Variants in EXOC1L observed in about 807,000 individuals in gnomAD.
EXOC1L encodes exocyst complex component 1-like.
A neutral mutation model predicts 4.9 loss-of-function variants in EXOC1L; 10 were observed. The ratio of observed to expected loss-of-function variants is 2.02; its 90% confidence interval spans 1.25 to 3.43. EXOC1L has a LOEUF of 3.43. Among genes scored for constraint, EXOC1L ranks in the 30% most tolerant of loss-of-function variants. The pLI, the probability that EXOC1L is intolerant of heterozygous loss-of-function variation, is 0.00. For synonymous variants in EXOC1L, 41 were observed against 20.8 expected (o/e 1.97, Z -2.63); for missense variants, 114 against 59.4 (o/e 1.92, Z -3.02).
chr4:55,829,932 C>T (rs1719981744), intron 1 of EXOC1L, among the ~76,000 whole-genome samples: 1 of 152,176 alleles, frequency 6.6e-6, no homozygotes, highest in Admixed American at 6.5e-5. Flanking sequence ...GCCCACATGT[C>T]TTAACATCAA....
intron 1 of EXOC1L, among the ~76,000 whole-genome samples, chr4:55,829,696 C>T (rs1167217407): frequency 6.6e-6 from 1 of 152,182 alleles, no homozygotes; most frequent in East Asian, 1.9e-4. Flanking sequence ...GTCATCAACT[C>T]TCAGCTCAAC....
chr4:55,821,305 T>G (rs1033757607), intron 1 of EXOC1L, among the ~76,000 whole-genome samples: 1 of 152,098 alleles, frequency 6.6e-6, no homozygotes, highest in African/African-American at 2.4e-5. Context: ...ATAAAAAAAT[T>G]AATTGGCCCA....
At chr4:55,826,102 A>AG (rs1007069677) in intron 1 of EXOC1L, among the ~76,000 whole-genome samples, 2 of 150,640 alleles carry the variant, frequency 1.3e-5, no homozygotes, top group African/African-American at 2.4e-5. Flanking sequence ...AAAAAAAAAA[A>AG]GAAAGAAAAG....
At chr4:55,827,573 A>G (rs1235922766) in intron 1 of EXOC1L, among the ~76,000 whole-genome samples, 3 of 152,214 alleles carry the variant, frequency 2.0e-5, no homozygotes. Flanking sequence ...TCGAATATTT[A>G]TCAATTTAAT....
intron 2 of EXOC1L, among the ~76,000 whole-genome samples, chr4:55,832,277 C>T (rs1455948115): frequency 6.6e-6 from 1 of 152,076 alleles, no homozygotes. Flanking sequence ...ATGATAGGCA[C>T]TCAATAAGTC....
At chr4:55,833,796 T>C (rs1720093288) in intron 2 of EXOC1L, among the ~76,000 whole-genome samples, 1 of 151,980 alleles carries the variant, frequency 6.6e-6, no homozygotes, top group Admixed American at 6.6e-5. Context: ...CCAACATTGT[T>C]GATTCTTCCC....
intron 1 of EXOC1L, among the ~76,000 whole-genome samples, chr4:55,823,732 G>A (rs545366414): frequency 4.6e-5 from 7 of 152,038 alleles, no homozygotes; most frequent in Admixed American, 2.0e-4. Flanking sequence ...TGTTTGAGAC[G>A]GAGTCTTGCT....
chr4:55,827,315 C>T (rs1055146391), intron 1 of EXOC1L, among the ~76,000 whole-genome samples: 25 of 152,264 alleles, frequency 1.6e-4, no homozygotes, highest in Admixed American at 1.6e-3. Flanking sequence ...CTTCATTCTG[C>T]TAACTTCTAC....
At chr4:55,836,691 C>T (rs572544736) in intron 2 of EXOC1L, among the ~76,000 whole-genome samples, 22 of 152,042 alleles carry the variant, frequency 1.4e-4, no homozygotes, top group South Asian at 1.0e-3. Flanking sequence ...CTTGAAATAG[C>T]ACAAGGAACC....
At chr4:55,827,293 A>G (rs903394166) in intron 1 of EXOC1L, among the ~76,000 whole-genome samples, 3 of 152,056 alleles carry the variant, frequency 2.0e-5, no homozygotes, top group African/African-American at 7.2e-5. Flanking sequence ...TTCTAGAACT[A>G]CCTTTACCCA....
intron 2 of EXOC1L, among the ~76,000 whole-genome samples, chr4:55,833,008 T>G (rs1720071463): frequency 1.3e-5 from 2 of 152,014 alleles, no homozygotes; most frequent in African/African-American, 4.8e-5. Context: ...CCTGGATTTT[T>G]CAACTTAAAA....
intron 1 of EXOC1L, among the ~76,000 whole-genome samples, chr4:55,825,809 G>A (rs946116294): frequency 6.6e-6 from 1 of 152,030 alleles, no homozygotes; most frequent in African/African-American, 2.4e-5. Flanking sequence ...GGCCAGGCAT[G>A]GTGGCTCACA....
intron 2 of EXOC1L, among the ~76,000 whole-genome samples, chr4:55,834,018 T>C (rs1720099955): frequency 6.6e-6 from 1 of 151,974 alleles, no homozygotes; most frequent in African/African-American, 2.4e-5. Context: ...TCTACTTCTC[T>C]TTTTTAAAAT....
At chr4:55,826,920 A>G (rs1183461973) in intron 1 of EXOC1L, among the ~76,000 whole-genome samples, 2 of 152,216 alleles carry the variant, frequency 1.3e-5, no homozygotes, top group Non-Finnish European at 2.9e-5. Context: ...TGGGACAGTG[A>G]CCATTAATGT....
At chr4:55,828,685 A>G (rs540605772) in intron 1 of EXOC1L, among the ~76,000 whole-genome samples, 1 of 152,192 alleles carries the variant, frequency 6.6e-6, no homozygotes, top group African/African-American at 2.4e-5. Context: ...TACAAAAAAG[A>G]TAAAAAAAAT....
intron 1 of EXOC1L, among the ~76,000 whole-genome samples, chr4:55,823,075 G>A (rs977388831): frequency 6.6e-6 from 1 of 151,410 alleles, no homozygotes; most frequent in Admixed American, 6.6e-5. Flanking sequence ...TTATTTTTCA[G>A]TATTCTCATA....
At chr4:55,828,918 G>A (rs984103016) in intron 1 of EXOC1L, among the ~76,000 whole-genome samples, 2 of 152,030 alleles carry the variant, frequency 1.3e-5, no homozygotes, top group African/African-American at 2.4e-5. Context: ...CTTTCCACAG[G>A]AAAAAACCCA....
At chr4:55,830,432 G>T (rs922214310) in intron 1 of EXOC1L, among the ~76,000 whole-genome samples, 4 of 152,072 alleles carry the variant, frequency 2.6e-5, no homozygotes, top group African/African-American at 9.7e-5. Flanking sequence ...AATTTTTAGA[G>T]GGCAGGGACC....
chr4:55,824,127 T>G (rs1719813431), intron 1 of EXOC1L, among the ~76,000 whole-genome samples: 1 of 152,094 alleles, frequency 6.6e-6, no homozygotes, highest in South Asian at 2.1e-4. Context: ...ACAATCACAA[T>G]TGTCAAATGG....
Sources: gnomAD v4.1 joint callset for allele counts (sites outside exome capture counted in the v4.1 genomes callset) on GRCh38, gnomAD v4.1.1 for gene constraint, MANE v1.5 for transcripts, NCBI Gene and HGNC (gene_info 2026-07-23, HGNC 2026-07-21) for gene names.